The following SLC4A8 variants were observed in gnomAD, a reference collection of about 807,000 sequenced individuals.
The protein encoded by SLC4A8 is electroneutral sodium bicarbonate exchanger 1.
A neutral mutation model predicts 125.0 loss-of-function variants in SLC4A8; 40 were observed. That is an observed-to-expected ratio of 0.32 (90% CI 0.25 to 0.42). The LOEUF (loss-of-function observed/expected upper bound fraction) is 0.42. SLC4A8 is among the 10% of genes least tolerant of loss of function. SLC4A8 has a pLI of 1.00. For missense variants in SLC4A8, 863 were observed against 1,355.1 expected, an observed-to-expected ratio of 0.64 and a Z score of 5.70; for synonymous variants, 456 against 476.0, an observed-to-expected ratio of 0.96 and a Z score of 0.55.
intron 22 of SLC4A8, among the ~76,000 whole-genome samples, chr12:51,502,720 G>C (rs907584876): frequency 1.3e-5 from 2 of 152,074 alleles, no homozygotes; most frequent in Non-Finnish European, 2.9e-5. Flanking sequence ...CATGGTTGTG[G>C]AGTGCAGTGG....
chr12:51,416,641 T>TCAAAACAAAA (rs201716830), intron 1 of SLC4A8, among the ~76,000 whole-genome samples: 4 of 151,968 alleles, frequency 2.6e-5, no homozygotes, highest in African/African-American at 9.7e-5. Context: ...AGACTCTGTC[T>TCAAAACAAAA]CAAAACAAAA....
chr12:51,476,587 TAATA>T (rs1950861247), intron 16 of SLC4A8, among the ~76,000 whole-genome samples: 1 of 152,204 alleles, frequency 6.6e-6, no homozygotes, highest in African/African-American at 2.4e-5. Context: ...TAGATAGTTT[TAATA>T]AATGTTTAAG....
Position 51,494,937 on chromosome 12 carries a change from C to T in SLC4A8, c.2770-8C>T. The T allele has an allele frequency of 6.2e-7, 1 of 1,611,732 alleles. No homozygotes were observed. The highest frequency in any genetic ancestry group is 8.5e-7 in the Non-Finnish European group (1 of 1,178,132). On this transcript the variant is annotated splice_region_variant and splice_polypyrimidine_tract_variant and intron_variant, in intron 20 of 24. Coordinates refer to ENST00000453097, the MANE Select transcript of SLC4A8 (RefSeq NM_001039960.3). ...TCCTGAAAATAAATGCCAGTTCCTTCCTTTCAGTTCTTTGATCGTCTAAAG... is the reference window on the plus strand; with the variant it reads ...TCCTGAAAATAAATGCCAGTTCCTTTCTTTCAGTTCTTTGATCGTCTAAAG...
At chr12:51,469,950 A>G (rs982470289) in intron 12 of SLC4A8, among the ~76,000 whole-genome samples, 162 bp downstream of exon 12, 5 of 152,176 alleles carry the variant, frequency 3.3e-5, no homozygotes, top group African/African-American at 9.7e-5. Flanking sequence ...AGAGCAACAC[A>G]GTCCTCTCTT....
Position 51,436,127 on chromosome 12 carries a change from T to G in SLC4A8, c.49-4581T>G, listed in dbSNP as rs563499838. Among the ~76,000 whole-genome samples the G allele has an allele frequency of 3.3e-5, 5 of 152,338 alleles. No individual in the cohort carries two copies. In the South Asian group the frequency reaches 1.0e-3, roughly 32 times the overall value. On this transcript the variant is annotated intron_variant, in intron 1 of 24. Transcript: ENST00000453097. ...TCTTATTTACCTTTTGTCTTAAAAC[T>G]GTATCTCCTTTCTCTCTTGCCGAGA...
At chr12:51,474,553 C>G (rs112197384) in intron 15 of SLC4A8, 106 bp downstream of exon 15, 12 of 1,466,426 alleles carry the variant, frequency 8.2e-6, no homozygotes, top group Admixed American at 7.0e-5. Flanking sequence ...TGGCATTTAC[C>G]GAAATAAAGC....
At chr12:51,408,260 C>A (rs144058607) in intron 1 of SLC4A8, among the ~76,000 whole-genome samples, 2 of 152,154 alleles carry the variant, frequency 1.3e-5, no homozygotes, top group Non-Finnish European at 2.9e-5. Context: ...GGCAGAGTCT[C>A]ACTCTGTCAT....
At chr12:51,422,439 G>T (rs1468032125), upstream of SLC4A8, among the ~76,000 whole-genome samples, 1 of 152,066 alleles carries the variant, frequency 6.6e-6, no homozygotes, top group Non-Finnish European at 1.5e-5. Context: ...GTATACTGAA[G>T]CCTCTCCTGG....
intron 7 of SLC4A8, among the ~76,000 whole-genome samples, chr12:51,459,055 C>T (rs2138229033): frequency 6.6e-6 from 1 of 152,300 alleles, no homozygotes; most frequent in East Asian, 1.9e-4. Flanking sequence ...TTGAAGCTCT[C>T]CTTGAGGACT....
rs767679317 is a variant in SLC4A8 at position 51,490,562 on chromosome 12, CAAAAAAAAAA to C, written c.2700+624_2700+633del. On this transcript the variant is annotated intron_variant, in intron 19 of 24. Transcript: ENST00000453097. Reference sequence around the variant, plus strand: ...AGGGCAACAGAGCGAGACTCCATCTCAAAAAAAAAAAAAAAAAAAAAAGATGAGGTGGAGC... The same window carrying C: ...AGGGCAACAGAGCGAGACTCCATCTCAAAAAAAAAAAAGATGAGGTGGAGC... Among the ~76,000 whole-genome samples the C allele has an allele frequency of 1.6e-4, 6 of 37,578 alleles. No homozygotes were observed. The East Asian group carries it at 3.9e-3, about 24-fold the overall frequency. The allele number at this position is 37,578 out of a possible 152,430, so 24.7% of individuals were successfully genotyped here.
intron 7 of SLC4A8, among the ~76,000 whole-genome samples, 167 bp downstream of exon 7, chr12:51,458,817 TCTC>T (rs972108250): frequency 1.3e-5 from 2 of 152,192 alleles, no homozygotes; most frequent in Non-Finnish European, 2.9e-5. Flanking sequence ...TCTTTTCCCT[TCTC>T]CTTCAGCCTG....
intron 1 of SLC4A8, among the ~76,000 whole-genome samples, chr12:51,413,882 C>T (rs1276589697): frequency 1.3e-5 from 2 of 152,106 alleles, no homozygotes; most frequent in East Asian, 3.8e-4. Flanking sequence ...TCTTTTTGCT[C>T]AGGATTGCTT....
chr12:51,505,136 AT>A (rs1938111846), intron 23 of SLC4A8, among the ~76,000 whole-genome samples: 1 of 152,176 alleles, frequency 6.6e-6, no homozygotes, highest in Non-Finnish European at 1.5e-5. Context: ...CGTGAGCTTG[AT>A]TTATCTGGTG....
upstream of SLC4A8, among the ~76,000 whole-genome samples, chr12:51,423,128 G>C (rs1427693955): frequency 6.6e-6 from 1 of 152,166 alleles, no homozygotes; most frequent in African/African-American, 2.4e-5. Context: ...TTGAGGCTCT[G>C]TTGAGTATAC....
intron 1 of SLC4A8, among the ~76,000 whole-genome samples, chr12:51,437,824 G>A (rs1949468221): frequency 6.6e-6 from 1 of 152,208 alleles, no homozygotes; most frequent in African/African-American, 2.4e-5. Context: ...AGGTGGGAAT[G>A]TGCACAGTGC....
At chr12:51,486,626 G>T (rs181176702) in intron 17 of SLC4A8, among the ~76,000 whole-genome samples, 77 of 152,336 alleles carry the variant, frequency 5.1e-4, no homozygotes, top group African/African-American at 1.8e-3. Context: ...CCCATAGGGT[G>T]AGGGGAGAGA....
chr12:51,503,433 G>A (rs1320900396), intron 22 of SLC4A8, among the ~76,000 whole-genome samples: 3 of 151,466 alleles, frequency 2.0e-5, no homozygotes, highest in African/African-American at 4.9e-5. Context: ...GGATGGTCTC[G>A]ATCTCCTGAC....
chr12:51,478,465 A>G (rs993570533), intron 16 of SLC4A8, among the ~76,000 whole-genome samples: 5 of 152,130 alleles, frequency 3.3e-5, no homozygotes, highest in African/African-American at 1.2e-4. Flanking sequence ...AGACGCAAAG[A>G]AACTTTATAT....
chr12:51,439,032 C>A (rs1949507478), intron 1 of SLC4A8, among the ~76,000 whole-genome samples: 1 of 152,114 alleles, frequency 6.6e-6, no homozygotes, highest in Non-Finnish European at 1.5e-5. Flanking sequence ...GGACATAGTT[C>A]CTTCTTCCTC....
Sources: allele counts gnomAD v4.1 joint callset (sites outside exome capture counted in the v4.1 genomes callset), GRCh38; gene constraint gnomAD v4.1.1; transcripts MANE v1.5; gene names NCBI Gene and HGNC (gene_info 2026-07-23, HGNC 2026-07-21).